Variants in PHF21B observed in about 807,000 individuals in gnomAD.
PHF21B encodes PHD finger protein 4.
In PHF21B, 22 loss-of-function variants were observed where a neutral mutation model predicts 62.2. The observed-to-expected ratio is 0.35, with a 90% CI of 0.25 to 0.51. The LOEUF (loss-of-function observed/expected upper bound fraction) is 0.51, where lower values mean the gene tolerates loss of function less well. PHF21B is among the 20% of genes least tolerant of loss of function. The probability of loss-of-function intolerance (pLI) is 0.97; values close to 1 mark genes in which losing one functional copy is unlikely to be tolerated. For missense variants in PHF21B, 701 were observed against 707.9 expected, an observed-to-expected ratio of 0.99 and a Z score of 0.11; for synonymous variants, 341 against 314.7, an observed-to-expected ratio of 1.08 and a Z score of -0.88.
rs541064716 is a variant in PHF21B, at chr22:44,913,761, G to A, written c.831+61C>T. 61 of 1,548,686 alleles carry A rather than the reference G, an allele frequency of 3.9e-5. No homozygotes were observed. In the African/African-American group the frequency reaches 4.2e-4, roughly 11 times the overall value. Reference sequence around the variant, plus strand: ...TGAGGCCATCCCCGCTATACACAGCGGCCTCAGATGGCACCTGCAGACTGA... The same window carrying A: ...TGAGGCCATCCCCGCTATACACAGCAGCCTCAGATGGCACCTGCAGACTGA... On this transcript the variant is annotated intron_variant, in intron 5 of 12. Transcript: ENST00000313237.
chr22:44,932,748 T>C (rs2071766668), intron 2 of PHF21B, among the ~76,000 whole-genome samples: 1 of 152,250 alleles, frequency 6.6e-6, no homozygotes, highest in Admixed American at 6.5e-5. Flanking sequence ...CTCCTCTCTC[T>C]GCAGAGGCCT....
At chr22:45,004,221 G>A (rs1339477264) in intron 2 of PHF21B, among the ~76,000 whole-genome samples, 2 of 151,084 alleles carry the variant, frequency 1.3e-5, no homozygotes, top group African/African-American at 4.9e-5. Context: ...TTAAATGGGT[G>A]AGTAAGTCTA....
At chr22:44,986,917 T>C (rs1555957273) in intron 2 of PHF21B, among the ~76,000 whole-genome samples, 1 of 148,588 alleles carries the variant, frequency 6.7e-6, no homozygotes, top group South Asian at 2.2e-4. Flanking sequence ...CAGGTGCAGG[T>C]GGGGTCCTGG....
In PHF21B at chr22:44,961,167, G is replaced by A. The variant is rs375679886; in HGVS notation, c.121-40677C>T. ...AGATGGGGTTTCACCAGGTTGGCCA[G>A]GATGGTCTCAATCTCTTGACCTCGT... On this transcript the variant is annotated intron_variant, in intron 2 of 12. Coordinates refer to ENST00000313237, the MANE Select transcript of PHF21B (RefSeq NM_138415.5). Among the ~76,000 whole-genome samples, 4 of 151,956 alleles carry A rather than the reference G, an allele frequency of 2.6e-5. No homozygotes were observed. In the East Asian group the frequency reaches 7.7e-4, roughly 29 times the overall value.
chr22:45,007,391 G>A (rs1308128039), intron 2 of PHF21B, among the ~76,000 whole-genome samples: 1 of 151,302 alleles, frequency 6.6e-6, no homozygotes, highest in Non-Finnish European at 1.5e-5. Context: ...CGGGGGAGGG[G>A]GCGTCCGATC....
chr22:44,948,689 T>C (rs1441190823), intron 2 of PHF21B, among the ~76,000 whole-genome samples: 1 of 133,620 alleles, frequency 7.5e-6, no homozygotes, highest in Non-Finnish European at 1.6e-5. Context: ...AGACTCTGTC[T>C]GGAAAAAAAA....
chr22:45,009,420 T>A lies in PHF21B; in HGVS notation c.54+76A>T. The stretch of plus-strand genomic sequence containing the variant: ...AGACCCAGAGACCCGGAAGAGAGGA[T>A]GCTGGGCTCGGGTCCCCCGACCCCC... On this transcript the variant is annotated intron_variant, in intron 1 of 12. Coordinates refer to ENST00000313237, the MANE Select transcript of PHF21B (RefSeq NM_138415.5). The surrounding 1 kb of genome is among the most constrained non-coding windows in gnomAD (Gnocchi z 5.9). 3 of 1,397,516 alleles carry A rather than the reference T, an allele frequency of 2.1e-6. No individual in the cohort carries two copies. The highest frequency in any genetic ancestry group is 2.6e-5 in the East Asian group (1 of 37,760). 86.6% of individuals were successfully genotyped at this position (1,397,516 alleles called of 1,614,324 possible). A position where few individuals can be genotyped will look rare whatever the true frequency, so the allele number is the denominator to read the frequency against.
At chr22:44,940,030 A>G (rs1338166573) in intron 2 of PHF21B, among the ~76,000 whole-genome samples, 2 of 152,184 alleles carry the variant, frequency 1.3e-5, no homozygotes, top group African/African-American at 4.8e-5. Flanking sequence ...GCCAGGGGCC[A>G]GTGGGGTGGG....
chr22:44,892,744 G>C (rs6007372), intron 7 of PHF21B, among the ~76,000 whole-genome samples: 7,130 of 152,312 alleles, frequency 0.047, 479 homozygotes, highest in African/African-American at 0.15. Flanking sequence ...AGACCCTGCA[G>C]AGTTGGCTTT....
At chr22:44,996,338 G>A (rs920952445) in intron 2 of PHF21B, among the ~76,000 whole-genome samples, 15 of 152,094 alleles carry the variant, frequency 9.9e-5, no homozygotes, top group East Asian at 5.8e-4. Context: ...AGCCTTCCCC[G>A]TACAACTGCT....
chr22:44,975,719 T>A (rs1213357529), intron 2 of PHF21B, among the ~76,000 whole-genome samples: 1 of 152,222 alleles, frequency 6.6e-6, no homozygotes, highest in African/African-American at 2.4e-5. Context: ...GTAAAGAGGC[T>A]GCCCTGAGTG....
At chr22:44,899,868 T>C (rs990118808) in intron 5 of PHF21B, among the ~76,000 whole-genome samples, 2 of 152,224 alleles carry the variant, frequency 1.3e-5, no homozygotes, top group Non-Finnish European at 2.9e-5. Flanking sequence ...AATTCTCTTA[T>C]TGTCTGCAGC....
At chr22:44,969,526 C>T (rs1290814777) in intron 2 of PHF21B, among the ~76,000 whole-genome samples, 7 of 152,202 alleles carry the variant, frequency 4.6e-5, no homozygotes, top group East Asian at 1.9e-4. Context: ...ATTAGCCAGG[C>T]GTGGTGGTGG....
At chr22:44,916,929 G>A (rs1380215538) in intron 3 of PHF21B, among the ~76,000 whole-genome samples, 1 of 152,174 alleles carries the variant, frequency 6.6e-6, no homozygotes, top group Non-Finnish European at 1.5e-5. Context: ...GCGCTTGGGC[G>A]CGAGGGGACA....
intron 5 of PHF21B, among the ~76,000 whole-genome samples, chr22:44,896,674 C>G (rs1264928624): frequency 6.6e-6 from 1 of 152,138 alleles, no homozygotes; most frequent in African/African-American, 2.4e-5. Context: ...AAACCTGACA[C>G]TTGACCCATA....
intron 4 of PHF21B, 51 bp from the exon 5 acceptor site, chr22:44,914,139 C>A: frequency 4.4e-6 from 2 of 452,096 alleles, no homozygotes; most frequent in Non-Finnish European, 3.9e-6. Flanking sequence ...GTGAGGGGGG[C>A]TGGGGAGGTA....
At chr22:44,947,174 C>T (rs961575334) in intron 2 of PHF21B, among the ~76,000 whole-genome samples, 30 of 152,346 alleles carry the variant, frequency 2.0e-4, no homozygotes, top group African/African-American at 6.3e-4. Flanking sequence ...TGTCCCAGTC[C>T]CCAGGCAAGA....
At chr22:44,966,825 C>A (rs1394047983) in intron 2 of PHF21B, among the ~76,000 whole-genome samples, 1 of 152,138 alleles carries the variant, frequency 6.6e-6, no homozygotes, top group African/African-American at 2.4e-5. Context: ...TGCAGAGGCT[C>A]CCAGAGCAGT....
At chr22:44,956,348 T>G (rs1182124332) in intron 2 of PHF21B, among the ~76,000 whole-genome samples, 1 of 152,134 alleles carries the variant, frequency 6.6e-6, no homozygotes, top group Non-Finnish European at 1.5e-5. Flanking sequence ...AATCAGTACT[T>G]TCTTACCCTG....
Sources: allele counts gnomAD v4.1 joint callset (sites outside exome capture counted in the v4.1 genomes callset), GRCh38; gene constraint gnomAD v4.1.1; non-coding constraint Gnocchi (gnomAD v3.1); transcripts MANE v1.5; gene names NCBI Gene and HGNC (gene_info 2026-07-23, HGNC 2026-07-21).